CPEB3: variants seen among roughly 807,000 people sequenced by gnomAD.
CPEB3 encodes cytoplasmic polyadenylation element binding protein 3.
Under a neutral mutation model 67.2 loss-of-function variants are expected in CPEB3, and 20 were observed. The ratio of observed to expected loss-of-function variants is 0.30; its 90% CI spans 0.21 to 0.43. The LOEUF (loss-of-function observed/expected upper bound fraction) is 0.43, where lower values mean the gene tolerates loss of function less well. CPEB3 is among the 20% of genes least tolerant of loss of function. CPEB3 has a pLI of 1.00. For missense variants in CPEB3, 746 were observed against 968.6 expected, an observed-to-expected ratio of 0.77 and a Z score of 3.05; for synonymous variants, 376 against 393.1, an observed-to-expected ratio of 0.96 and a Z score of 0.51.
At chr10:92,113,219 T>C (rs912452062) in intron 6 of CPEB3, among the ~76,000 whole-genome samples, 3 of 152,186 alleles carry the variant, frequency 2.0e-5, no homozygotes, top group Non-Finnish European at 4.4e-5. Flanking sequence ...GAAGATTCTG[T>C]TGATGGCTAG....
At chr10:92,054,389 A>G (rs1842034557) in intron 9 of CPEB3, among the ~76,000 whole-genome samples, 1 of 151,904 alleles carries the variant, frequency 6.6e-6, no homozygotes, top group African/African-American at 2.4e-5. Flanking sequence ...ACTGATAACT[A>G]TTTCTCATCA....
chr10:92,209,103 G>C (rs751115529), intron 2 of CPEB3, among the ~76,000 whole-genome samples: 2 of 152,174 alleles, frequency 1.3e-5, no homozygotes, highest in Non-Finnish European at 2.9e-5. Context: ...TGAAGAAAGA[G>C]TGAAACAGCC....
At chr10:92,276,441 G>A (rs1841995261) in intron 1 of CPEB3, among the ~76,000 whole-genome samples, 1 of 151,788 alleles carries the variant, frequency 6.6e-6, no homozygotes, top group Non-Finnish European at 1.5e-5. Context: ...ACCATGCCTG[G>A]CTAATTTTTA....
chr10:92,195,364 T>G (rs964914937), intron 2 of CPEB3, among the ~76,000 whole-genome samples: 4 of 152,214 alleles, frequency 2.6e-5, no homozygotes, highest in Non-Finnish European at 4.4e-5. Flanking sequence ...CTAAGAAGGT[T>G]TTTTCTTTTA....
At chr10:92,089,841 C>A (rs1015402720) in intron 8 of CPEB3, among the ~76,000 whole-genome samples, 4 of 152,038 alleles carry the variant, frequency 2.6e-5, no homozygotes, top group South Asian at 4.1e-4. Context: ...TCAGGGAACA[C>A]AAAATCCCAT....
chr10:92,259,003 C>A (rs1429016316), intron 1 of CPEB3, among the ~76,000 whole-genome samples: 1 of 151,414 alleles, frequency 6.6e-6, no homozygotes, highest in African/African-American at 2.4e-5. Context: ...CACTCCGTTG[C>A]CCAGGCTGGA....
In CPEB3 at chr10:92,239,204, G is replaced by A; in HGVS notation, c.1005+142C>T. 1.1e-6 allele frequency: 1 copy of A among 870,622 alleles called. No individual in the cohort carries two copies. The highest frequency in any genetic ancestry group is 1.8e-6 in the Non-Finnish European group (1 of 569,452). The allele number at this position is 870,622 out of a possible 1,614,324, so 53.9% of individuals were successfully genotyped here. On this transcript the variant is annotated intron_variant, in intron 2 of 9. Transcript: ENST00000265997. This position sits in a 1 kb window ranked among gnomAD's most constrained non-coding sequence, Gnocchi z 6.0. ...CCTCTGATAATGGAACAGCCCTAAA[G>A]AACTGGAGGCTTCGGAAGGGGAAAG...
At chr10:92,059,830 G>A (rs1284026517) in intron 9 of CPEB3, among the ~76,000 whole-genome samples, 5 of 151,652 alleles carry the variant, frequency 3.3e-5, no homozygotes, top group African/African-American at 1.2e-4. Context: ...AGTGGCATGC[G>A]CCTGTACTCC....
At chr10:92,184,500 G>A (rs760472582) in intron 3 of CPEB3, among the ~76,000 whole-genome samples, 1 of 152,148 alleles carries the variant, frequency 6.6e-6, no homozygotes, top group Non-Finnish European at 1.5e-5. Context: ...CGCTACTCGG[G>A]AGGCTAAGGC....
intron 2 of CPEB3, among the ~76,000 whole-genome samples, chr10:92,196,121 G>A (rs1223999138): frequency 2.6e-5 from 4 of 152,186 alleles, no homozygotes; most frequent in African/African-American, 9.7e-5. Flanking sequence ...CTGGGTTCCA[G>A]CTCAAACCTA....
chr10:92,083,168 T>C (rs1291361913), intron 8 of CPEB3, among the ~76,000 whole-genome samples: 1 of 152,160 alleles, frequency 6.6e-6, no homozygotes, highest in Non-Finnish European at 1.5e-5. Context: ...GTTTTCTAAG[T>C]GCCTATTTTT....
intron 2 of CPEB3, among the ~76,000 whole-genome samples, chr10:92,230,392 T>C (rs1014835911): frequency 6.6e-6 from 1 of 152,200 alleles, no homozygotes; most frequent in African/African-American, 2.4e-5. Flanking sequence ...AATTCTATGA[T>C]CACTTCAAAT....
chr10:92,081,565 A>C lies in CPEB3; in HGVS notation c.1688-64T>G. Reference sequence around the variant, plus strand: ...CTGGGAGGTACTCTTGCCCAGGAGAAGGAAGAATTATTTAGAGATCATGCA... The same window carrying C: ...CTGGGAGGTACTCTTGCCCAGGAGACGGAAGAATTATTTAGAGATCATGCA... On this transcript the variant is annotated intron_variant, in intron 8 of 9. Transcript: ENST00000265997. 2.2e-6 allele frequency: 3 copies of C among 1,390,924 alleles called. No homozygotes were observed. In the East Asian group the frequency reaches 6.9e-5, roughly 32 times the overall value. The allele number at this position is 1,390,924 out of a possible 1,614,324, so 86.2% of individuals were successfully genotyped here.
chr10:92,181,130 C>T (rs1363638297), intron 3 of CPEB3, 111 bp from the exon 4 acceptor site: 8 of 593,196 alleles, frequency 1.3e-5, no homozygotes, highest in Non-Finnish European at 1.7e-5. Context: ...TATAACAATG[C>T]TATCAAAGGC....
At position 92,111,217 on chromosome 10, in the gene CPEB3, G is replaced by T. The variant is rs201037277; in HGVS notation, c.1454-23C>A. On this transcript the variant is annotated intron_variant, in intron 6 of 9. Transcript: ENST00000265997. Reference sequence around the variant, plus strand: ...AGCCTTGGGGAGAGCAAAAACAAAAGGGTAGAGGAAGAATCAGTACATTAA... The same window carrying T: ...AGCCTTGGGGAGAGCAAAAACAAAATGGTAGAGGAAGAATCAGTACATTAA... 1,184 of 1,432,314 alleles carry T rather than the reference G, an allele frequency of 8.3e-4. 1 individual carries two copies. The highest frequency in any genetic ancestry group is 1.1e-3 in the Non-Finnish European group (1,109 of 1,014,692). The allele number at this position is 1,432,314 out of a possible 1,614,324, so 88.7% of individuals were successfully genotyped here.
At chr10:92,098,058 G>A (rs561013427) in intron 7 of CPEB3, among the ~76,000 whole-genome samples, 3 of 149,644 alleles carry the variant, frequency 2.0e-5, no homozygotes, top group African/African-American at 4.9e-5. Flanking sequence ...CTACTTGGGA[G>A]GCTGAGGCAG....
chr10:92,077,447 C>T (rs1415175473), intron 9 of CPEB3, among the ~76,000 whole-genome samples: 3 of 152,152 alleles, frequency 2.0e-5, no homozygotes, highest in East Asian at 1.9e-4. Flanking sequence ...AGTTGGCTTG[C>T]GTCTCTCATA....
At chr10:92,224,682 C>CA (rs937921061) in intron 2 of CPEB3, among the ~76,000 whole-genome samples, 31 of 151,698 alleles carry the variant, frequency 2.0e-4, no homozygotes, top group Middle Eastern at 6.8e-3. Context: ...CCTGTCTCTA[C>CA]AAAAAATTTA....
chr10:92,193,890 G>A lies in CPEB3; in HGVS notation c.1006-1254C>T, dbSNP rs540917373. On this transcript the variant is annotated intron_variant, in intron 2 of 9. Transcript: ENST00000265997. ...TGGCTCACTGCAAGCTCCGCCTCCT[G>A]GGTTCACGCCATTCTCCTGCCTCAG... 1.9e-4 allele frequency among the ~76,000 whole-genome samples: 29 copies of A among 150,210 alleles called. No individual in the cohort carries two copies. In the Middle Eastern group the frequency reaches 0.014, roughly 71 times the overall value.
Sources: allele counts gnomAD v4.1 joint callset (sites outside exome capture counted in the v4.1 genomes callset), GRCh38; gene constraint gnomAD v4.1.1; non-coding constraint Gnocchi (gnomAD v3.1); transcripts MANE v1.5; gene names NCBI Gene and HGNC (gene_info 2026-07-23, HGNC 2026-07-21).